The following THSD4 variants were observed in gnomAD, a reference collection of about 807,000 sequenced individuals.
THSD4 encodes thrombospondin type 1 domain containing 4.
In THSD4, 69 loss-of-function variants were observed where a neutral mutation model predicts 119.0. The observed-to-expected ratio is 0.58, with a 90% CI of 0.48 to 0.71. The LOEUF (loss-of-function observed/expected upper bound fraction) is 0.71. Ranked by LOEUF, THSD4 falls within the 30% of genes least tolerant of loss-of-function variation. The pLI is 0.00. For synonymous variants in THSD4, 524 were observed against 540.4 expected (o/e 0.97, Z 0.42); for missense variants, 1,393 against 1,391.1 (o/e 1.00, Z -0.02).
chr15:71,163,054 TTGTC>T (rs1384887673), intron 3 of THSD4, among the ~76,000 whole-genome samples: 5 of 152,044 alleles, frequency 3.3e-5, no homozygotes, highest in Non-Finnish European at 7.4e-5. Flanking sequence ...ATTGACTTGT[TTGTC>T]TGTGTTCTTT....
intron 6 of THSD4, among the ~76,000 whole-genome samples, chr15:71,383,057 A>G (rs2046247566): frequency 6.6e-6 from 1 of 152,216 alleles, no homozygotes; most frequent in Non-Finnish European, 1.5e-5. Context: ...CCTTCCCCCC[A>G]TCATTGTTTT....
At chr15:71,746,772 G>A (rs2053345899) in intron 12 of THSD4, 66 bp from the exon 13 acceptor site, 2 of 1,518,936 alleles carry the variant, frequency 1.3e-6, no homozygotes, top group Non-Finnish European at 9.1e-7. Flanking sequence ...CGCTGCTGCG[G>A]GCTCACGCTG....
At chr15:71,433,600 G>C (rs954906422) in intron 7 of THSD4, among the ~76,000 whole-genome samples, 1 of 152,008 alleles carries the variant, frequency 6.6e-6, no homozygotes, top group Non-Finnish European at 1.5e-5. Context: ...ATCCTGGGTC[G>C]CAGGTACTCA....
At chr15:71,574,940 C>A (rs568641855) in intron 7 of THSD4, among the ~76,000 whole-genome samples, 2 of 152,268 alleles carry the variant, frequency 1.3e-5, no homozygotes, top group Non-Finnish European at 2.9e-5. Context: ...AAGCTGCATA[C>A]CTGGACCACA....
intron 6 of THSD4, among the ~76,000 whole-genome samples, chr15:71,376,188 A>T (rs1271715717): frequency 6.6e-5 from 10 of 152,172 alleles, no homozygotes; most frequent in Admixed American, 3.3e-4. Context: ...TCCTTTGCTC[A>T]CACCTCTTGC....
At chr15:71,382,064 C>G (rs1177747812) in intron 6 of THSD4, among the ~76,000 whole-genome samples, 3 of 151,974 alleles carry the variant, frequency 2.0e-5, no homozygotes, top group African/African-American at 7.2e-5. Context: ...TTAAATATGA[C>G]CTTGGTTATG....
intron 6 of THSD4, among the ~76,000 whole-genome samples, chr15:71,337,180 T>C (rs1427696643): frequency 6.6e-6 from 1 of 152,144 alleles, no homozygotes; most frequent in Non-Finnish European, 1.5e-5. Flanking sequence ...ACTGAAAACA[T>C]GAAGTGGTCA....
rs191559250 is a variant in THSD4 at position 71,544,393 on chromosome 15, G to A, written c.1153-116137G>A. On this transcript the variant is annotated intron_variant, in intron 7 of 17. Coordinates refer to ENST00000261862, the MANE Select transcript of THSD4 (RefSeq NM_024817.3). ...CTCAACGAATGTTGGCTGATTAGAGGCAAAGGAAATCTAGAGCCATAGCCC... is the reference window on the plus strand; with the variant it reads ...CTCAACGAATGTTGGCTGATTAGAGACAAAGGAAATCTAGAGCCATAGCCC... Among the ~76,000 whole-genome samples the A allele has an allele frequency of 6.6e-5, 10 of 152,290 alleles. No individual in the cohort carries two copies. The East Asian group carries it at 1.9e-3, about 29-fold the overall frequency.
At chr15:71,458,981 G>C (rs1275499187) in intron 7 of THSD4, among the ~76,000 whole-genome samples, 1 of 152,052 alleles carries the variant, frequency 6.6e-6, no homozygotes, top group African/African-American at 2.4e-5. Context: ...TAGATGCTCA[G>C]ATGGAACTTT....
intron 8 of THSD4, among the ~76,000 whole-genome samples, chr15:71,727,579 TATATATATACACAC>T (rs1407283865): frequency 1.8e-3 from 23 of 12,892 alleles, no homozygotes; most frequent in Non-Finnish European, 4.6e-3. Context: ...TATATATATA[TATATATATACACAC>T]ACACACACAC....
At chr15:71,614,683 G>A (rs2050291164) in intron 7 of THSD4, among the ~76,000 whole-genome samples, 2 of 152,200 alleles carry the variant, frequency 1.3e-5, no homozygotes, top group East Asian at 1.9e-4. Flanking sequence ...GGAAGAGAAT[G>A]AGAGGTCAAT....
chr15:71,588,574 C>G (rs1258709395), intron 7 of THSD4, among the ~76,000 whole-genome samples: 1 of 152,002 alleles, frequency 6.6e-6, no homozygotes, highest in Non-Finnish European at 1.5e-5. Flanking sequence ...CAGGCATGTG[C>G]CACCACACCC....
rs11072290 is a variant in THSD4, at chr15:71,493,277, C to T, written c.1152+81454C>T. 5.3e-3 allele frequency among the ~76,000 whole-genome samples: 814 copies of T among 152,350 alleles called. 16 individuals are homozygous for T. Among genetic ancestry groups the T allele is most frequent in the East Asian group, 0.038 (199 of 5,180 alleles). On this transcript the variant is annotated intron_variant, in intron 7 of 17. Transcript: ENST00000261862. Reference sequence around the variant, plus strand: ...CACTGAATTGTGAGACCACCTGCGGCGTCTTCTGAGCTTTGGCTGCCAAGC... The same window carrying T: ...CACTGAATTGTGAGACCACCTGCGGTGTCTTCTGAGCTTTGGCTGCCAAGC...
intron 7 of THSD4, among the ~76,000 whole-genome samples, chr15:71,640,645 A>C (rs1212145950): frequency 6.6e-6 from 1 of 152,138 alleles, no homozygotes; most frequent in African/African-American, 2.4e-5. Context: ...AAATTGCATG[A>C]TATCTTAATC....
At chr15:71,452,434 T>G (rs893895277) in intron 7 of THSD4, among the ~76,000 whole-genome samples, 2 of 151,172 alleles carry the variant, frequency 1.3e-5, no homozygotes, top group Non-Finnish European at 2.9e-5. Context: ...CTGGAAACTT[T>G]AGTCCCTCCG....
chr15:71,296,598 T>A (rs886113832), intron 6 of THSD4, among the ~76,000 whole-genome samples: 4 of 152,190 alleles, frequency 2.6e-5, no homozygotes, highest in African/African-American at 7.2e-5. Context: ...CGTGCATAAC[T>A]CTGCGCAGCA....
At chr15:71,314,827 C>T (rs1346897634) in intron 6 of THSD4, among the ~76,000 whole-genome samples, 1 of 152,174 alleles carries the variant, frequency 6.6e-6, no homozygotes, top group Non-Finnish European at 1.5e-5. Context: ...AGAACCATTA[C>T]TTTAAAAATA....
At chr15:71,736,649 C>G (rs529435633) in intron 10 of THSD4, among the ~76,000 whole-genome samples, 93 of 152,174 alleles carry the variant, frequency 6.1e-4, no homozygotes, top group African/African-American at 2.2e-3. Context: ...CTCTCTCTCC[C>G]TTGCTCTCTG....
At position 71,768,627 on chromosome 15, in the gene THSD4, C is replaced by T. The variant is rs147857495; in HGVS notation, c.2770-2437C>T. 7.9e-3 allele frequency among the ~76,000 whole-genome samples: 1,147 copies of T among 145,090 alleles called. 12 individuals carry two copies. Among genetic ancestry groups the T allele is most frequent in the African/African-American group, 0.028 (1,075 of 39,056 alleles). The stretch of plus-strand genomic sequence containing the variant: ...TTGCCCAGGCTGGAATGCAGTAGCA[C>T]CATCTCGGCTCACTGCAACCTCTGC... On this transcript the variant is annotated intron_variant, in intron 16 of 17. Coordinates refer to ENST00000261862, the MANE Select transcript of THSD4 (RefSeq NM_024817.3).
Sources: allele counts gnomAD v4.1 joint callset (sites outside exome capture counted in the v4.1 genomes callset), GRCh38; gene constraint gnomAD v4.1.1; transcripts MANE v1.5; gene names NCBI Gene and HGNC (gene_info 2026-07-23, HGNC 2026-07-21).